Variants in ERCC2 observed in about 807,000 individuals in gnomAD.
The protein encoded by ERCC2 is ERCC excision repair 2, TFIIH core complex helicase subunit, also known as general transcription and DNA repair factor IIH helicase subunit XPD.
A neutral mutation model predicts 99.4 loss-of-function variants in ERCC2; 90 were observed. The observed-to-expected ratio is 0.91, with a 90% CI of 0.76 to 1.08. The LOEUF is 1.08. ERCC2 is among the 50% of genes least tolerant of loss of function. The probability of loss-of-function intolerance (pLI) is 0.00; values close to 1 mark genes in which losing one functional copy is unlikely to be tolerated. For missense variants in ERCC2, 993 were observed against 1,038.1 expected (o/e 0.96, Z 0.60); for synonymous variants, 497 against 432.4 (o/e 1.15, Z -1.85).
At position 45,350,960 on chromosome 19, in the gene ERCC2, G is replaced by C; in HGVS notation, c.*669C>G. 1 of 1,614,130 alleles carries C rather than the reference G, an allele frequency of 6.2e-7. No individual in the cohort carries two copies. The highest frequency in any genetic ancestry group is 8.5e-7 in the Non-Finnish European group (1 of 1,180,000). On this transcript the variant is annotated 3_prime_UTR_variant, in exon 23 of 23. Coordinates refer to ENST00000391945, the MANE Select transcript of ERCC2 (RefSeq NM_000400.4). ...CCTGCTGCCCTCTTTGCAGAATGAA[G>C]AGAGCCATGTCACTCAACACACTGA...
Position 45,370,168 on chromosome 19 carries a change from A to C in ERCC2, c.70T>G (p.Tyr24Asp). Residue 24 changes from tyrosine to aspartate, a missense_variant, in exon 2 of 23, where the codon TAC (tyrosine) becomes GAC (aspartate). Physicochemically the swap from Tyr to Asp is radical, Grantham distance 160 (BLOSUM62 -3). Transcript: ENST00000391945. ...AGCGTGCGTTTGAGCTCCCGCATGT[A>C]GGAGAACTGCTCGGGGTAGATGTAG... Reference protein sequence around the residue: ...YDYIYPEQFSYMRELKRTLDA... With the variant: ...YDYIYPEQFSDMRELKRTLDA... 1.2e-6 allele frequency: 2 copies of C among 1,613,170 alleles called. No homozygotes were observed. Among genetic ancestry groups the C allele is most frequent in the Non-Finnish European group, 1.7e-6 (2 of 1,179,312 alleles).
Position 45,351,473 on chromosome 19 carries a change from GGATAGCT to G in ERCC2, c.*149_*155del. The G allele has an allele frequency of 6.3e-7, 1 of 1,585,536 alleles. No homozygotes were observed. Among genetic ancestry groups the G allele is most frequent in the East Asian group, 2.2e-5 (1 of 44,684 alleles). ...CCCCCCTTGCCTCTGGGTACCTGGT[GGATAGCT>G]GCCTTCTCCTGCGATTAAAGGCTGT... On this transcript the variant is annotated 3_prime_UTR_variant, in exon 23 of 23. Coordinates refer to ENST00000391945, the MANE Select transcript of ERCC2 (RefSeq NM_000400.4).
Position 45,369,118 on chromosome 19 carries a change from G to T in ERCC2, c.135C>A (p.Gly45=). 6.2e-7 allele frequency: 1 copy of T among 1,614,128 alleles called. No individual in the cohort carries two copies. The highest frequency in any genetic ancestry group is 8.5e-7 in the Non-Finnish European group (1 of 1,179,996). Residue 45 remains glycine (G), a synonymous_variant, in exon 3 of 23, where the codon GGC becomes GGA. Transcript: ENST00000391945. The part of the protein sequence containing the change: ...KGHGVLEMPS[G]TGKTVSLLAL... ...CCAACAGGGATACTGTCTTCCCGGT[G>T]CCTGAGGGCATCTCCAGGACTCCAT...
Position 45,349,901 on chromosome 19 carries a change from C to T in ERCC2, c.*1728G>A, listed in dbSNP as rs192908789. 4.6e-5 allele frequency: 21 copies of T among 457,602 alleles called. No homozygotes were observed. In the East Asian group the frequency reaches 4.7e-4, roughly 10 times the overall value. The allele number at this position is 457,602 out of a possible 1,614,324, so 28.3% of individuals were successfully genotyped here. On this transcript the variant is annotated 3_prime_UTR_variant, in exon 23 of 23. Coordinates refer to ENST00000391945, the MANE Select transcript of ERCC2 (RefSeq NM_000400.4). Reference sequence around the variant, plus strand: ...TCCCCTCTTAGCCCGGTCCCCACATCGCTAGTTCTTATAGCGTCCCTATGA... The same window carrying T: ...TCCCCTCTTAGCCCGGTCCCCACATTGCTAGTTCTTATAGCGTCCCTATGA...
chr19:45,357,778 C>T (rs1205051425), intron 12 of ERCC2, 79 bp from the exon 13 acceptor site: 2 of 1,293,008 alleles, frequency 1.5e-6, no homozygotes, highest in Non-Finnish European at 2.2e-6. Flanking sequence ...CCCTCTCCTG[C>T]TCCCTCGCTT....
Position 45,350,765 on chromosome 19 carries a change from C to G in ERCC2, c.*864G>C, listed in dbSNP as rs3916900. The G allele has an allele frequency of 1.3e-6, 2 of 1,596,368 alleles. No homozygotes were observed. Among genetic ancestry groups the G allele is most frequent in the African/African-American group, 1.3e-5 (1 of 74,714 alleles). ...GCAGCCGGGTGAGTGTTGATCAGGT[C>G]GGCAAAGAGCCCTGACATCAGCAGA... On this transcript the variant is annotated 3_prime_UTR_variant, in exon 23 of 23. Transcript: ENST00000391945.
intron 12 of ERCC2, chr19:45,358,430 C>T (rs1972089350): frequency 1.3e-5 from 3 of 233,494 alleles, no homozygotes; most frequent in Admixed American, 5.1e-5. Context: ...GCCACCATCA[C>T]CTCCTGCCTG....
intron 2 of ERCC2, 68 bp from the exon 3 acceptor site, chr19:45,369,215 C>G: frequency 1.6e-6 from 2 of 1,280,532 alleles, no homozygotes; most frequent in Non-Finnish European, 2.3e-6. Context: ...ACTCTGGGGA[C>G]TCTCCCCGAC....
At chr19:45,365,772 C>A (rs374034758) in intron 5 of ERCC2, among the ~76,000 whole-genome samples, 6 of 139,504 alleles carry the variant, frequency 4.3e-5, no homozygotes, top group African/African-American at 1.7e-4. Context: ...CCCTGGGCCA[C>A]GGAGCCAGAC....
chr19:45,370,083 G>A, intron 2 of ERCC2, 50 bp downstream of exon 2: 1 of 1,585,908 alleles, frequency 6.3e-7, no homozygotes, highest in Non-Finnish European at 8.6e-7. Context: ...AGGCCCAGGC[G>A]TGGCAGCCCC....
chr19:45,356,594 G>A (rs1484159529), intron 15 of ERCC2, among the ~76,000 whole-genome samples: 4 of 152,198 alleles, frequency 2.6e-5, no homozygotes, highest in African/African-American at 4.8e-5. Context: ...CGGATCACTT[G>A]AGGTCAGGAG....
At position 45,352,592 on chromosome 19, in the gene ERCC2, AG is replaced by A. The variant is rs1971847513; in HGVS notation, c.1959del (p.Phe654SerfsTer55). The A allele has an allele frequency of 1.2e-6, 2 of 1,614,036 alleles. No individual in the cohort carries two copies. The highest frequency in any genetic ancestry group is 2.7e-5 in the African/African-American group (2 of 75,056). ...QFQIRENDFL[T>X]FDAMRHAAQC... ...TGGGCCGCGTGGCGCATGGCATCGA[AG>A]GTAAGAAAGTCATTCTCACGAATCT... On this transcript the variant is annotated frameshift_variant, in exon 21 of 23. Coordinates refer to ENST00000391945, the MANE Select transcript of ERCC2 (RefSeq NM_000400.4). LOFTEE classifies it high-confidence loss of function.
chr19:45,350,908 G>GC lies in ERCC2; in HGVS notation c.*720dup. On this transcript the variant is annotated 3_prime_UTR_variant, in exon 23 of 23. Transcript: ENST00000391945. The stretch of plus-strand genomic sequence containing the variant: ...CTGGAAAGGTCCCTCGTGGAGGGGG[G>GC]CCACTCCTGGATTCACTCATTTCCT... 1.9e-6 allele frequency: 3 copies of GC among 1,594,556 alleles called. No homozygotes were observed. The highest frequency in any genetic ancestry group is 2.6e-6 in the Non-Finnish European group (3 of 1,162,464).
At chr19:45,351,800 C>G (rs1971795933) in intron 22 of ERCC2, 79 bp from the exon 23 acceptor site, 4 of 1,272,698 alleles carry the variant, frequency 3.1e-6, no homozygotes, top group Non-Finnish European at 4.6e-6. Context: ...CCCAACCACC[C>G]CCCCGAATGG....
intron 12 of ERCC2, chr19:45,358,977 A>G: frequency 1.4e-6 from 1 of 716,554 alleles, no homozygotes; most frequent in African/African-American, 1.7e-5. Flanking sequence ...GTGAAAAAAA[A>G]TCAAGTCCTC....
intron 5 of ERCC2, among the ~76,000 whole-genome samples, chr19:45,367,474 C>CACAT (rs1456892722): frequency 6.6e-6 from 1 of 151,528 alleles, no homozygotes. Flanking sequence ...TGTGGGTTAC[C>CACAT]ACATGTAAAG....
chr19:45,357,428 A>C, intron 14 of ERCC2, 46 bp downstream of exon 14: 1 of 1,610,338 alleles, frequency 6.2e-7, no homozygotes, highest in South Asian at 1.1e-5. Flanking sequence ...CAGGAGGCCC[A>C]TGGAGGGAGG....
At chr19:45,364,165 G>T (rs372480664) in intron 9 of ERCC2, 46 bp from the exon 10 acceptor site, 20 of 1,611,638 alleles carry the variant, frequency 1.2e-5, no homozygotes, top group Non-Finnish European at 1.5e-5. Context: ...GCAACCCTGG[G>T]GACAAGTCAG....
Position 45,353,170 on chromosome 19 carries a change from C to T in ERCC2, c.1759-15G>A, listed in dbSNP as rs761354574. 1.1e-5 allele frequency: 17 copies of T among 1,613,766 alleles called. No homozygotes were observed. In the South Asian group the frequency reaches 1.8e-4, roughly 17 times the overall value. On this transcript the variant is annotated splice_polypyrimidine_tract_variant and intron_variant, in intron 18 of 22. Coordinates refer to ENST00000391945, the MANE Select transcript of ERCC2 (RefSeq NM_000400.4). Reference sequence around the variant, plus strand: ...TTCTCGCAGGCCTGAGGTGGGGAGACCGAGACGCAAGTTAGGTCACTCCTC... The same window carrying T: ...TTCTCGCAGGCCTGAGGTGGGGAGATCGAGACGCAAGTTAGGTCACTCCTC...
Sources: allele counts gnomAD v4.1 joint callset (sites outside exome capture counted in the v4.1 genomes callset), GRCh38; gene constraint gnomAD v4.1.1; transcripts MANE v1.5; gene names NCBI Gene and HGNC (gene_info 2026-07-23, HGNC 2026-07-21).